The following MAGI3 variants were observed in gnomAD, a reference collection of about 807,000 sequenced individuals.
MAGI3 encodes the protein membrane-associated guanylate kinase, WW and PDZ domain-containing protein 3.
A neutral mutation model predicts 121.8 loss-of-function variants in MAGI3; 43 were observed. That is an observed-to-expected ratio of 0.35 (90% confidence interval 0.28 to 0.46). The LOEUF (loss-of-function observed/expected upper bound fraction) is 0.46, where lower values mean the gene tolerates loss of function less well. MAGI3 is among the 20% of genes least tolerant of loss of function. The pLI is 1.00. For synonymous variants in MAGI3, 553 were observed against 639.3 expected (o/e 0.86, Z 2.04); for missense variants, 1,547 against 1,797.3 (o/e 0.86, Z 2.52).
At chr1:113,621,262 G>A (rs1377845138) in intron 8 of MAGI3, among the ~76,000 whole-genome samples, 1 of 152,174 alleles carries the variant, frequency 6.6e-6, no homozygotes, top group Non-Finnish European at 1.5e-5. Context: ...GTATTTGTAG[G>A]GTAGTAACAA....
Position 113,549,540 on chromosome 1 carries a change from G to A in MAGI3, c.342G>A (p.Arg114=). The A allele has an allele frequency of 1.9e-6, 3 of 1,599,960 alleles. No individual in the cohort carries two copies. In the South Asian group the frequency reaches 3.4e-5, roughly 18 times the overall value. Residue 114 remains arginine, a synonymous_variant, in exon 2 of 21, where the codon CGG becomes CGA. Coordinates refer to ENST00000307546, the MANE Select transcript of MAGI3 (RefSeq NM_001142782.2). ...KPGKVINKDL[R]HYLSLQFQKG... is the part of the protein sequence containing the mutation. ...GCAAAGTCATTAATAAAGATTTGCG[G>A]CATTACCTAAGTCTTCAGTTTCAAA...
intron 1 of MAGI3, among the ~76,000 whole-genome samples, chr1:113,467,099 A>T (rs1655324430): frequency 6.6e-6 from 1 of 151,800 alleles, no homozygotes; most frequent in Admixed American, 6.6e-5. Flanking sequence ...TTCCCTCTTA[A>T]TACTGCTTTT....
At chr1:113,411,990 A>C (rs1357998155) in intron 1 of MAGI3, among the ~76,000 whole-genome samples, 1 of 151,890 alleles carries the variant, frequency 6.6e-6, no homozygotes, top group African/African-American at 2.4e-5. Context: ...TCGTATTTAC[A>C]TTAGGTATTT....
At chr1:113,561,646 C>T (rs2101688691) in intron 2 of MAGI3, among the ~76,000 whole-genome samples, 1 of 152,296 alleles carries the variant, frequency 6.6e-6, no homozygotes, top group Middle Eastern at 3.4e-3. Flanking sequence ...GACAGACCCA[C>T]AGCCAATATC....
At chr1:113,556,909 A>G (rs79854467) in intron 2 of MAGI3, among the ~76,000 whole-genome samples, 90 of 152,304 alleles carry the variant, frequency 5.9e-4, no homozygotes, top group Non-Finnish European at 1.2e-3. Context: ...TAAACTCAAC[A>G]ACTTAGATGA....
chr1:113,446,752 G>A (rs1220170414), intron 1 of MAGI3, among the ~76,000 whole-genome samples: 1 of 152,134 alleles, frequency 6.6e-6, no homozygotes, highest in African/African-American at 2.4e-5. Flanking sequence ...GACAAAATAG[G>A]CTTTAAATCA....
At chr1:113,434,115 C>T (rs528388328) in intron 1 of MAGI3, among the ~76,000 whole-genome samples, 2 of 152,242 alleles carry the variant, frequency 1.3e-5, no homozygotes, top group East Asian at 3.9e-4. Flanking sequence ...CTGTACTATG[C>T]TACCCAGAAG....
chr1:113,606,781 G>C (rs1361155115), intron 6 of MAGI3, among the ~76,000 whole-genome samples: 2 of 152,028 alleles, frequency 1.3e-5, no homozygotes, highest in Non-Finnish European at 2.9e-5. Flanking sequence ...ATGTTTGCCT[G>C]TTCCTCTCTT....
chr1:113,393,817 T>A (rs889793845), intron 1 of MAGI3, among the ~76,000 whole-genome samples: 4 of 152,240 alleles, frequency 2.6e-5, no homozygotes, highest in Non-Finnish European at 5.9e-5. Flanking sequence ...ATCTAAACTT[T>A]GTGACAGAAA....
chr1:113,414,259 G>A (rs1353204919), intron 1 of MAGI3, among the ~76,000 whole-genome samples: 3 of 152,152 alleles, frequency 2.0e-5, no homozygotes, highest in East Asian at 1.9e-4. Context: ...GCTTTTTGAT[G>A]TGCTGCTGGA....
At chr1:113,569,257 C>G (rs924980174) in intron 2 of MAGI3, among the ~76,000 whole-genome samples, 1 of 152,158 alleles carries the variant, frequency 6.6e-6, no homozygotes, top group Non-Finnish European at 1.5e-5. Context: ...AATTTATCCT[C>G]TTTTCTGTTT....
At chr1:113,613,514 AG>A (rs1439417299) in intron 6 of MAGI3, among the ~76,000 whole-genome samples, 1 of 152,326 alleles carries the variant, frequency 6.6e-6, no homozygotes, top group Admixed American at 6.5e-5. Flanking sequence ...TTACTTACAA[AG>A]TTGGTATGTC....
intron 8 of MAGI3, among the ~76,000 whole-genome samples, chr1:113,622,256 A>G (rs903347471): frequency 6.6e-6 from 1 of 152,150 alleles, no homozygotes; most frequent in African/African-American, 2.4e-5. Flanking sequence ...AGGAGAAGAG[A>G]GAAGAGGTTC....
chr1:113,403,344 T>C (rs1420100781), intron 1 of MAGI3, among the ~76,000 whole-genome samples: 2 of 152,270 alleles, frequency 1.3e-5, no homozygotes, highest in African/African-American at 2.4e-5. Flanking sequence ...TGGCCATTGC[T>C]GTGACAGCTT....
chr1:113,582,372 A>G (rs757307972), intron 3 of MAGI3, among the ~76,000 whole-genome samples: 3 of 152,124 alleles, frequency 2.0e-5, no homozygotes, highest in Non-Finnish European at 2.9e-5. Flanking sequence ...CAGAATGGAA[A>G]CAACTCTCCT....
chr1:113,610,894 A>G lies in MAGI3; in HGVS notation c.1019-3707A>G, dbSNP rs562560394. On this transcript the variant is annotated intron_variant, in intron 6 of 20. Transcript: ENST00000307546. The stretch of plus-strand genomic sequence containing the variant: ...GGTTGCAGTGAGCTGAGATCATGCC[A>G]TTGCACTCTAGCCTGGCGACAGAGG... 2.6e-5 allele frequency among the ~76,000 whole-genome samples: 4 copies of G among 151,654 alleles called. No individual in the cohort carries two copies. The East Asian group carries it at 7.9e-4, about 30-fold the overall frequency.
intron 2 of MAGI3, among the ~76,000 whole-genome samples, chr1:113,559,944 A>T (rs1557823275): frequency 6.6e-6 from 1 of 152,114 alleles, no homozygotes; most frequent in Non-Finnish European, 1.5e-5. Context: ...TTTAACACCC[A>T]CTGACAATAG....
At chr1:113,473,956 A>C (rs1390827208) in intron 1 of MAGI3, among the ~76,000 whole-genome samples, 3 of 152,240 alleles carry the variant, frequency 2.0e-5, no homozygotes, top group African/African-American at 7.2e-5. Context: ...AATGATTGCC[A>C]TTCTAACTGG....
chr1:113,629,742 C>CTT (rs1651480796), intron 9 of MAGI3, among the ~76,000 whole-genome samples: 1 of 72,452 alleles, frequency 1.4e-5, no homozygotes, highest in African/African-American at 4.9e-5. Flanking sequence ...CTCTCTCTCT[C>CTT]TCTCTCTCTC....
Sources: allele counts gnomAD v4.1 joint callset (sites outside exome capture counted in the v4.1 genomes callset), GRCh38; gene constraint gnomAD v4.1.1; transcripts MANE v1.5; gene names NCBI Gene and HGNC (gene_info 2026-07-23, HGNC 2026-07-21).